CDH23: variants seen among roughly 807,000 people sequenced by gnomAD.
CDH23 encodes cadherin-23.
In CDH23, 189 loss-of-function variants were observed where a neutral mutation model predicts 317.1. The observed-to-expected ratio is 0.60, with a 90% CI of 0.53 to 0.67. The LOEUF (loss-of-function observed/expected upper bound fraction) is 0.67, where lower values mean the gene tolerates loss of function less well. Among genes scored for constraint, CDH23 ranks in the 30% least tolerant of loss-of-function variants. CDH23 has a pLI of 0.00. For missense variants in CDH23, 4,401 were observed against 4,592.4 expected, an observed-to-expected ratio of 0.96 and a Z score of 1.20; for synonymous variants, 1,839 against 1,876.8, an observed-to-expected ratio of 0.98 and a Z score of 0.52.
chr10:71,494,689 G>A (rs901273938), intron 3 of CDH23, among the ~76,000 whole-genome samples: 1 of 152,224 alleles, frequency 6.6e-6, no homozygotes, highest in Non-Finnish European at 1.5e-5. Context: ...AAATTCAGGA[G>A]ACATTCTCAG....
intron 1 of CDH23, among the ~76,000 whole-genome samples, chr10:71,439,162 A>C (rs1849756393): frequency 6.6e-6 from 1 of 152,188 alleles, no homozygotes; most frequent in South Asian, 2.1e-4. Flanking sequence ...GCCCTTCAAA[A>C]TTCAGCTTTA....
chr10:71,573,669 A>T (rs1043217362), intron 8 of CDH23, among the ~76,000 whole-genome samples: 2 of 152,212 alleles, frequency 1.3e-5, no homozygotes, highest in Admixed American at 1.3e-4. Context: ...TGTCTCCACA[A>T]GGGCACTAAG....
intron 29 of CDH23, among the ~76,000 whole-genome samples, chr10:71,724,480 T>C (rs1310901363): frequency 1.3e-5 from 2 of 152,324 alleles, no homozygotes; most frequent in East Asian, 3.9e-4. Flanking sequence ...TTTTTTGTGC[T>C]TTTAGTAGAG....
intron 11 of CDH23, among the ~76,000 whole-genome samples, chr10:71,639,041 G>A (rs1862407949): frequency 6.6e-6 from 1 of 152,190 alleles, no homozygotes; most frequent in Non-Finnish European, 1.5e-5. Context: ...GGGATTTCAT[G>A]TGTCCTTCCC....
chr10:71,425,219 CAGAGAGAGAGAGGGAGAGAGAGAG>C (rs1247720177), intron 1 of CDH23, among the ~76,000 whole-genome samples: 3 of 55,158 alleles, frequency 5.4e-5, no homozygotes, highest in Non-Finnish European at 7.7e-5. Flanking sequence ...CACAGTGGGG[CAGAGAGAGAGAGGGAGAGAGAGAG>C]AGAGAGAGAG....
At chr10:71,451,027 C>A (rs992449970) in intron 3 of CDH23, among the ~76,000 whole-genome samples, 5 of 152,162 alleles carry the variant, frequency 3.3e-5, no homozygotes, top group African/African-American at 1.2e-4. Flanking sequence ...CGGCAGCCTT[C>A]CCCATCTCAG....
chr10:71,418,626 G>T (rs933198730), intron 1 of CDH23, among the ~76,000 whole-genome samples: 1 of 152,172 alleles, frequency 6.6e-6, no homozygotes, highest in Non-Finnish European at 1.5e-5. Flanking sequence ...AGAAGTCTGG[G>T]CTTACTTCTG....
chr10:71,700,492 A>C (rs1865541115), intron 22 of CDH23, among the ~76,000 whole-genome samples: 1 of 152,262 alleles, frequency 6.6e-6, no homozygotes, highest in South Asian at 2.1e-4. Context: ...GGCCTGTTTT[A>C]AATTATGCCT....
intron 11 of CDH23, among the ~76,000 whole-genome samples, chr10:71,634,964 G>A (rs1240146936): frequency 6.6e-6 from 1 of 152,248 alleles, no homozygotes; most frequent in African/African-American, 2.4e-5. Context: ...GTCCCTAGAG[G>A]TCCAGGGTCT....
Position 71,636,106 on chromosome 10 carries a change from G to A in CDH23, c.1135-7755G>A, listed in dbSNP as rs562557944. Among the ~76,000 whole-genome samples, 16 of 152,226 alleles carry A rather than the reference G, an allele frequency of 1.1e-4. No homozygotes were observed. The South Asian group carries it at 2.5e-3, about 24-fold the overall frequency. On this transcript the variant is annotated intron_variant, in intron 11 of 69. Coordinates refer to ENST00000224721, the MANE Select transcript of CDH23 (RefSeq NM_022124.6). The stretch of plus-strand genomic sequence containing the variant: ...GTCTCCAGCAGATGAGAAGAAATGA[G>A]GGCGAGATAAAGAGAGAAACAAGCA...
chr10:71,811,445 G>A lies in CDH23; in HGVS notation c.9198+10G>A, dbSNP rs758760731. The A allele has an allele frequency of 8.1e-5, 130 of 1,613,816 alleles. No homozygotes were observed. Among genetic ancestry groups the A allele is most frequent in the South Asian group, 6.0e-4 (55 of 91,068 alleles). ...CATGTCTGCCCTGCAGGTACCCGGC[G>A]ACCGTGCCCCACAGCCCTAGCCGCC... is the stretch of plus-strand genomic sequence containing the variant. On this transcript the variant is annotated intron_variant, in intron 63 of 69. Transcript: ENST00000224721.
intron 11 of CDH23, among the ~76,000 whole-genome samples, chr10:71,642,741 A>G (rs4747176): frequency 0.3 from 45,395 of 151,944 alleles, 7,216 homozygotes; most frequent in East Asian, 0.52. Flanking sequence ...CCAGCTCCCT[A>G]TGCAACCATG....
At chr10:71,501,828 C>T (rs908511441) in intron 3 of CDH23, among the ~76,000 whole-genome samples, 26 of 152,274 alleles carry the variant, frequency 1.7e-4, no homozygotes, top group Admixed American at 2.0e-4. Flanking sequence ...GGCAGGGACC[C>T]GGCCAGCCAG....
In CDH23 at chr10:71,799,163, C is replaced by A; in HGVS notation, c.7107C>A (p.Asn2369Lys). The change falls in exon 51 of 70, where the codon AAC becomes AAA. Residue 2369 changes from asparagine to lysine, a missense_variant. Coordinates refer to ENST00000224721, the MANE Select transcript of CDH23 (RefSeq NM_022124.6). The part of the protein sequence containing the change: ...TVDYEEVHWL[N>K]FTVRASDNGS... ...ACTACGAGGAGGTGCACTGGCTCAACTTTACCGTGAGGGCCTCAGACAACG... is the reference window on the plus strand; with the variant it reads ...ACTACGAGGAGGTGCACTGGCTCAAATTTACCGTGAGGGCCTCAGACAACG... 2 of 1,614,048 alleles carry A rather than the reference C, an allele frequency of 1.2e-6. No homozygotes were observed. Among genetic ancestry groups the A allele is most frequent in the Non-Finnish European group, 1.7e-6 (2 of 1,179,886 alleles).
intron 3 of CDH23, among the ~76,000 whole-genome samples, chr10:71,490,795 A>T (rs1473429909): frequency 6.6e-6 from 1 of 152,228 alleles, no homozygotes; most frequent in Non-Finnish European, 1.5e-5. Context: ...TGTGTAGTAG[A>T]TACTGTTATT....
At chr10:71,444,296 A>G (rs1004840998) in intron 2 of CDH23, among the ~76,000 whole-genome samples, 5 of 152,234 alleles carry the variant, frequency 3.3e-5, no homozygotes, top group African/African-American at 4.8e-5. Flanking sequence ...ATGAAGTCCT[A>G]TTATTATGGC....
chr10:71,802,136 C>G (rs1564801343), intron 53 of CDH23, among the ~76,000 whole-genome samples: 1 of 152,160 alleles, frequency 6.6e-6, no homozygotes, highest in South Asian at 2.1e-4. Context: ...GGTGAAAACC[C>G]ATCTCTACTA....
At chr10:71,814,662 A>G (rs61853676) in intron 69 of CDH23, among the ~76,000 whole-genome samples, 1 of 141,240 alleles carries the variant, frequency 7.1e-6, no homozygotes. Flanking sequence ...ACACACACAC[A>G]ATTTTCACAA....
chr10:71,755,255 G>A, intron 38 of CDH23: 1 of 1,029,710 alleles, frequency 9.7e-7, no homozygotes, highest in Middle Eastern at 2.3e-4. Context: ...AAATGAAAAG[G>A]AATTGTGCCT....
Sources: allele counts gnomAD v4.1 joint callset (sites outside exome capture counted in the v4.1 genomes callset), GRCh38; gene constraint gnomAD v4.1.1; transcripts MANE v1.5; gene names NCBI Gene and HGNC (gene_info 2026-07-23, HGNC 2026-07-21).